PEAK1: variants seen among roughly 807,000 people sequenced by gnomAD.
The protein encoded by PEAK1 is inactive tyrosine-protein kinase PEAK1.
A neutral mutation model predicts 124.7 loss-of-function variants in PEAK1; 54 were observed. The observed-to-expected ratio is 0.43, with a 90% CI of 0.35 to 0.54. The LOEUF (loss-of-function observed/expected upper bound fraction) is 0.54, where lower values mean the gene tolerates loss of function less well. PEAK1 is among the 20% of genes least tolerant of loss of function. The pLI is 0.01. For missense variants in PEAK1, 2,046 were observed against 2,134.5 expected (o/e 0.96, Z 0.82); for synonymous variants, 719 against 760.0 (o/e 0.95, Z 0.89).
chr15:77,258,441 A>C (rs1483747310), intron 5 of PEAK1, among the ~76,000 whole-genome samples: 1 of 152,054 alleles, frequency 6.6e-6, no homozygotes, highest in Non-Finnish European at 1.5e-5. Context: ...GAGGTCCTTC[A>C]CGTCCCTTGT....
At chr15:77,150,257 AG>A (rs1317650321) in intron 8 of PEAK1, among the ~76,000 whole-genome samples, 1 of 152,218 alleles carries the variant, frequency 6.6e-6, no homozygotes, top group Admixed American at 6.5e-5. Flanking sequence ...TTAGTGATTA[AG>A]GACATTAAAG....
chr15:77,125,089 C>T (rs1335002887), intron 9 of PEAK1, among the ~76,000 whole-genome samples: 1 of 152,100 alleles, frequency 6.6e-6, no homozygotes, highest in Non-Finnish European at 1.5e-5. Context: ...CTGTAAACTA[C>T]AACAAATATC....
At chr15:77,265,851 C>G (rs1453125245) in intron 5 of PEAK1, among the ~76,000 whole-genome samples, 1 of 152,006 alleles carries the variant, frequency 6.6e-6, no homozygotes, top group Non-Finnish European at 1.5e-5. Context: ...GACTTGGAAC[C>G]AACCCAAATG....
intron 6 of PEAK1, among the ~76,000 whole-genome samples, chr15:77,220,900 A>G (rs895624898): frequency 3.9e-5 from 6 of 152,106 alleles, no homozygotes; most frequent in Non-Finnish European, 8.8e-5. Flanking sequence ...AGGTTTAAAA[A>G]GTAGATTAGA....
At chr15:77,378,647 T>C (rs2069227947) in intron 1 of PEAK1, among the ~76,000 whole-genome samples, 4 of 152,222 alleles carry the variant, frequency 2.6e-5, no homozygotes, top group Admixed American at 2.6e-4. Flanking sequence ...CATACTTATA[T>C]GCTGAAATAA....
chr15:77,255,498 T>C (rs913516954), intron 5 of PEAK1: 1 of 512,196 alleles, frequency 2.0e-6, no homozygotes, highest in Non-Finnish European at 2.5e-6. Context: ...GAAAACATCA[T>C]GAAGACATGC....
chr15:77,342,171 A>AC (rs1567282765), intron 2 of PEAK1, among the ~76,000 whole-genome samples: 1 of 150,632 alleles, frequency 6.6e-6, no homozygotes, highest in African/African-American at 2.4e-5. Flanking sequence ...AAAAAAAAAA[A>AC]AACACACACA....
chr15:77,122,837 CACT>C (rs1338823859), intron 9 of PEAK1, among the ~76,000 whole-genome samples: 2 of 152,282 alleles, frequency 1.3e-5, no homozygotes, highest in East Asian at 1.9e-4. Context: ...TTTTCCTCAC[CACT>C]AAGCCAGTAA....
At chr15:77,351,823 G>GT in intron 2 of PEAK1, 2 of 985,420 alleles carry the variant, frequency 2.0e-6, no homozygotes, top group Non-Finnish European at 1.2e-6. Context: ...CACGGGTGTG[G>GT]TAACAGTTTG....
Position 77,179,741 on chromosome 15 carries a change from C to G in PEAK1, c.2186G>C (p.Ser729Thr). 6.2e-7 allele frequency: 1 copy of G among 1,614,080 alleles called. No individual in the cohort carries two copies. The change falls in exon 7 of 10, where the codon AGC becomes ACC. Residue 729 changes from serine to threonine, a missense_variant. Coordinates refer to ENST00000682557, the MANE Select transcript of PEAK1 (RefSeq NM_001385026.1). ...SPQRSYSSSH[S>T]SPAKIQRATQ... ...GGCTCTCTGGATCTTTGCTGGGGAG[C>G]TGTGGCTGGAACTATAGCTTCTCTG...
chr15:77,354,277 A>C (rs2067371395), intron 2 of PEAK1, among the ~76,000 whole-genome samples: 1 of 152,192 alleles, frequency 6.6e-6, no homozygotes, highest in Non-Finnish European at 1.5e-5. Context: ...CCAACTTGAG[A>C]GTCATCTCTG....
chr15:77,232,494 C>T (rs2059949992), intron 6 of PEAK1, among the ~76,000 whole-genome samples: 1 of 152,154 alleles, frequency 6.6e-6, no homozygotes, highest in South Asian at 2.1e-4. Context: ...AAATCTCTAA[C>T]ATCCCTTCCC....
chr15:77,381,836 A>T (rs2069508586), intron 1 of PEAK1, among the ~76,000 whole-genome samples: 1 of 152,202 alleles, frequency 6.6e-6, no homozygotes. Context: ...ATAAAAAGGG[A>T]TAGGGCAAAA....
In PEAK1 at chr15:77,352,286, G is replaced by A. The variant is rs371147306; in HGVS notation, c.-603+12877C>T. ...TCCTCCTAGCCATACCTCTCCCCCA[G>A]GAAGTGAGCAGTGCAGAGGGCCAAA... On this transcript the variant is annotated intron_variant, in intron 2 of 9. Coordinates refer to ENST00000682557, the MANE Select transcript of PEAK1 (RefSeq NM_001385026.1). 2.7e-4 allele frequency: 264 copies of A among 985,312 alleles called. 5 individuals carry two copies. In the East Asian group the frequency reaches 0.018, roughly 68 times the overall value. The allele number at this position is 985,312 out of a possible 1,614,324, so 61.0% of individuals were successfully genotyped here.
chr15:77,402,150 G>A (rs1282887505), intron 1 of PEAK1: 3 of 912,508 alleles, frequency 3.3e-6, no homozygotes, highest in African/African-American at 2.1e-5. Flanking sequence ...AGTGAGCCAA[G>A]AGGGACACTC....
chr15:77,248,988 T>C (rs1298441880), intron 6 of PEAK1, among the ~76,000 whole-genome samples: 8 of 151,940 alleles, frequency 5.3e-5, no homozygotes. Context: ...TTCGGCTAAG[T>C]TTTGTATTTT....
intron 6 of PEAK1, among the ~76,000 whole-genome samples, chr15:77,201,322 C>T (rs1209954667): frequency 6.7e-6 from 1 of 149,704 alleles, no homozygotes; most frequent in African/African-American, 2.5e-5. Context: ...ACTGCAAGCT[C>T]CACCTCCCGG....
At chr15:77,366,832 G>T (rs920438986) in intron 1 of PEAK1, among the ~76,000 whole-genome samples, 1 of 152,180 alleles carries the variant, frequency 6.6e-6, no homozygotes, top group Non-Finnish European at 1.5e-5. Flanking sequence ...AAAGTGCTGG[G>T]ATTACAGGCA....
intron 2 of PEAK1, among the ~76,000 whole-genome samples, chr15:77,344,155 C>T (rs1032067487): frequency 4.6e-5 from 7 of 152,126 alleles, no homozygotes; most frequent in East Asian, 1.9e-4. Context: ...AGTGCAGTGG[C>T]GCCATCTCCG....
Sources: allele counts gnomAD v4.1 joint callset (sites outside exome capture counted in the v4.1 genomes callset), GRCh38; gene constraint gnomAD v4.1.1; transcripts MANE v1.5; gene names NCBI Gene and HGNC (gene_info 2026-07-23, HGNC 2026-07-21).